Variants in FSD2 observed in about 807,000 individuals in gnomAD.
FSD2 encodes fibronectin type III and SPRY domain containing 2.
In FSD2, 71 loss-of-function variants were observed where a neutral mutation model predicts 80.4. The observed-to-expected ratio is 0.88, with a 90% CI of 0.73 to 1.08. FSD2 has a LOEUF of 1.08. Ranked by LOEUF, FSD2 falls within the 50% of genes least tolerant of loss-of-function variation. The probability of loss-of-function intolerance (pLI) is 0.00; values close to 1 mark genes in which losing one functional copy is unlikely to be tolerated. For missense variants in FSD2, 923 were observed against 913.8 expected (o/e 1.01, Z -0.13); for synonymous variants, 361 against 329.5 (o/e 1.10, Z -1.03).
At chr15:82,796,001 T>C (rs2050256903) in intron 1 of FSD2, among the ~76,000 whole-genome samples, 1 of 39,830 alleles carries the variant, frequency 2.5e-5, no homozygotes, top group African/African-American at 1.6e-4. Flanking sequence ...TTTTCTTTTC[T>C]TTTTTTTTTT....
In FSD2 at chr15:82,782,981, G is replaced by T. The variant is rs780055387; in HGVS notation, c.780C>A (p.Asn260Lys). 4.3e-6 allele frequency: 7 copies of T among 1,613,376 alleles called. No homozygotes were observed. The highest frequency in any genetic ancestry group is 5.1e-6 in the Non-Finnish European group (6 of 1,179,784). The change falls in exon 4 of 13, where the codon AAC (asparagine) becomes AAA (lysine). Residue 260 changes from asparagine (N) to lysine (K), a missense_variant. Physicochemically the swap from Asn to Lys is moderately conservative, Grantham distance 94. Coordinates refer to ENST00000334574, the MANE Select transcript of FSD2 (RefSeq NM_001007122.4). ...KQEQNFESHY[N>K]EILETLAQKY... Reference sequence around the variant, plus strand: ...TTTGAGCAAGTGTTTCCAAGATCTCGTTGTAATGTGACTCAAAGTTTTGTT... The same window carrying T: ...TTTGAGCAAGTGTTTCCAAGATCTCTTTGTAATGTGACTCAAAGTTTTGTT...
chr15:82,768,670 C>T (rs2049482682), intron 9 of FSD2, among the ~76,000 whole-genome samples: 1 of 152,198 alleles, frequency 6.6e-6, no homozygotes, highest in South Asian at 2.1e-4. Flanking sequence ...AACAACAAAA[C>T]CTGAGGTTCA....
rs773791671 is a variant in FSD2 at position 82,759,487 on chromosome 15, T to C, written c.2111A>G (p.Asn704Ser). The C allele has an allele frequency of 3.4e-5, 55 of 1,613,164 alleles. No homozygotes were observed. Among genetic ancestry groups the C allele is most frequent in the Non-Finnish European group, 4.4e-5 (52 of 1,179,550 alleles). Residue 704 changes from asparagine to serine, a missense_variant, in exon 13 of 13, where the codon AAT becomes AGT. By Grantham distance (46) the Asn-to-Ser change is conservative (BLOSUM62 1). Transcript: ENST00000334574. ...ATATAGATGCTGAGAAAGGTCCACA[T>C]TGAAAAATGACAACTTTGAATGTTC... ...DYEHSKLSFF[N>S]VDLSQHLYTF...
At chr15:82,766,140 C>T (rs1317123101) in intron 9 of FSD2, 109 bp from the exon 10 acceptor site, 10 of 1,226,686 alleles carry the variant, frequency 8.2e-6, no homozygotes, top group African/African-American at 1.5e-5. Context: ...GCGCTCCTGT[C>T]CTCTGACCCA....
chr15:82,781,556 A>T (rs1408103185), intron 4 of FSD2, among the ~76,000 whole-genome samples: 2 of 152,198 alleles, frequency 1.3e-5, no homozygotes, highest in Non-Finnish European at 2.9e-5. Flanking sequence ...CTGAGATTGA[A>T]ATTCCCATAG....
intron 7 of FSD2, among the ~76,000 whole-genome samples, chr15:82,770,530 G>T (rs1245613325): frequency 6.6e-6 from 1 of 152,140 alleles, no homozygotes; most frequent in Non-Finnish European, 1.5e-5. Flanking sequence ...AATTAGCTGG[G>T]CGTGGTGGCA....
At chr15:82,798,873 GTTTTGTTTTTT>G (rs2050343126) in intron 1 of FSD2, among the ~76,000 whole-genome samples, 1 of 111,456 alleles carries the variant, frequency 9.0e-6, no homozygotes, top group South Asian at 2.7e-4. Context: ...TATCTCCACT[GTTTTGTTTTTT>G]TTTTTTTTTT....
At chr15:82,760,597 A>G (rs1246325128) in intron 12 of FSD2, among the ~76,000 whole-genome samples, 1 of 137,710 alleles carries the variant, frequency 7.3e-6, no homozygotes, top group Non-Finnish European at 1.6e-5. Flanking sequence ...AGAAGCTATG[A>G]GTCGTTTCTT....
intron 12 of FSD2, among the ~76,000 whole-genome samples, chr15:82,761,459 A>C (rs542937262): frequency 6.6e-6 from 1 of 152,198 alleles, no homozygotes; most frequent in African/African-American, 2.4e-5. Flanking sequence ...ACATTTACTT[A>C]AAAAGATGGA....
chr15:82,792,400 C>T (rs566494272), intron 1 of FSD2, among the ~76,000 whole-genome samples: 6 of 152,176 alleles, frequency 3.9e-5, no homozygotes, highest in African/African-American at 1.2e-4. Flanking sequence ...ATTTATTGGC[C>T]GTTTGTATAC....
At chr15:82,772,411 C>T (rs981314014) in intron 6 of FSD2, among the ~76,000 whole-genome samples, 183 bp from the exon 7 acceptor site, 1 of 152,192 alleles carries the variant, frequency 6.6e-6, no homozygotes, top group Non-Finnish European at 1.5e-5. Flanking sequence ...AAAATACAAC[C>T]AGTATATCTA....
chr15:82,801,036 A>T (rs1211438633), intron 1 of FSD2, among the ~76,000 whole-genome samples: 1 of 152,178 alleles, frequency 6.6e-6, no homozygotes, highest in East Asian at 1.9e-4. Flanking sequence ...AAGCCTTTAT[A>T]AAACTAACCC....
At chr15:82,772,030 AAC>A in intron 7 of FSD2, 41 bp downstream of exon 7, 2 of 1,505,564 alleles carry the variant, frequency 1.3e-6, no homozygotes, top group Non-Finnish European at 1.8e-6. Flanking sequence ...GAGGGGCCTG[AAC>A]TGTTCCCATG....
In FSD2 at chr15:82,780,231, A is replaced by G. The variant is rs2049820731; in HGVS notation, c.989+14T>C. Reference sequence around the variant, plus strand: ...AAGTAAAAAAAGAAATACATACTAGAACAAATGTATTACCTGTCAGCCATA... The same window carrying G: ...AAGTAAAAAAAGAAATACATACTAGGACAAATGTATTACCTGTCAGCCATA... On this transcript the variant is annotated intron_variant, in intron 5 of 12. Coordinates refer to ENST00000334574, the MANE Select transcript of FSD2 (RefSeq NM_001007122.4). 1.7e-5 allele frequency: 25 copies of G among 1,497,170 alleles called. No individual in the cohort carries two copies. Among genetic ancestry groups the G allele is most frequent in the Non-Finnish European group, 2.2e-5 (25 of 1,115,628 alleles). The allele number at this position is 1,497,170 out of a possible 1,614,324, so 92.7% of individuals were successfully genotyped here.
intron 3 of FSD2, among the ~76,000 whole-genome samples, chr15:82,785,092 G>C (rs2049963317): frequency 6.6e-6 from 1 of 152,034 alleles, no homozygotes; most frequent in Non-Finnish European, 1.5e-5. Context: ...GGGCCAATAT[G>C]ACTAGTGGAC....
At chr15:82,775,486 C>T (rs1448495401) in intron 6 of FSD2, among the ~76,000 whole-genome samples, 1 of 152,026 alleles carries the variant, frequency 6.6e-6, no homozygotes, top group Non-Finnish European at 1.5e-5. Context: ...TTTCTCTTGC[C>T]TAATTGCTCT....
chr15:82,781,934 G>T (rs1336186169), intron 4 of FSD2, among the ~76,000 whole-genome samples: 3 of 149,414 alleles, frequency 2.0e-5, no homozygotes, highest in Non-Finnish European at 1.5e-5. Flanking sequence ...CGTGGTGGCG[G>T]GTGCCTGTAA....
Position 82,757,597 on chromosome 15 carries a change from GCTGGGAT to G in FSD2, c.*1744_*1750del, listed in dbSNP as rs2049203479. 2 of 152,174 alleles carry G rather than the reference GCTGGGAT, an allele frequency of 1.3e-5. No individual in the cohort carries two copies. The highest frequency in any genetic ancestry group is 1.3e-4 in the Admixed American group (2 of 15,254). The allele number at this position is 152,174 out of a possible 1,614,324, so 9.4% of individuals were successfully genotyped here. ...TCCATCCACCTTGGCCCCCCAAAGT[GCTGGGAT>G]TACAGGCGTGAGCCACCGCGCCCGG... On this transcript the variant is annotated 3_prime_UTR_variant, in exon 13 of 13. Coordinates refer to ENST00000334574, the MANE Select transcript of FSD2 (RefSeq NM_001007122.4).
chr15:82,781,925 G>A (rs1161286587), intron 4 of FSD2, among the ~76,000 whole-genome samples: 4 of 150,094 alleles, frequency 2.7e-5, no homozygotes, highest in African/African-American at 2.5e-5. Flanking sequence ...TTAGCTGGGC[G>A]TGGTGGCGGG....
Sources: allele counts gnomAD v4.1 joint callset (sites outside exome capture counted in the v4.1 genomes callset), GRCh38; gene constraint gnomAD v4.1.1; transcripts MANE v1.5; gene names NCBI Gene and HGNC (gene_info 2026-07-23, HGNC 2026-07-21).